The following RABL3 variants were observed in gnomAD, a reference collection of about 807,000 sequenced individuals.
RABL3 encodes rab-like protein 3.
Under a neutral mutation model 31.8 loss-of-function variants are expected in RABL3, and 31 were observed. That is an observed-to-expected ratio of 0.97 (90% confidence interval 0.73 to 1.31). RABL3 has a LOEUF of 1.31. RABL3 is among the 40% of genes most tolerant of loss of function. The pLI, the probability that RABL3 is intolerant of heterozygous loss-of-function variation, is 0.00. For synonymous variants in RABL3, 97 were observed against 99.9 expected (o/e 0.97, Z 0.18); for missense variants, 263 against 279.6 (o/e 0.94, Z 0.42).
At chr3:120,712,681 G>T (rs929886949) in intron 2 of RABL3, among the ~76,000 whole-genome samples, 1 of 152,180 alleles carries the variant, frequency 6.6e-6, no homozygotes, top group Non-Finnish European at 1.5e-5. Context: ...GACTCTGAGT[G>T]TAAGGGCACG....
At chr3:120,689,954 T>C in intron 7 of RABL3, 66 bp from the exon 8 acceptor site, 1 of 1,263,120 alleles carries the variant, frequency 7.9e-7, no homozygotes, top group Non-Finnish European at 1.1e-6. Flanking sequence ...AATAGTAATT[T>C]TTCCCTTCTT....
chr3:120,693,203 T>C (rs927968517), intron 6 of RABL3, among the ~76,000 whole-genome samples: 1 of 151,094 alleles, frequency 6.6e-6, no homozygotes, highest in African/African-American at 2.4e-5. Flanking sequence ...AGTTTTGCAG[T>C]GAAGCAAAAT....
chr3:120,699,959 C>T (rs1488800456), intron 4 of RABL3, among the ~76,000 whole-genome samples: 2 of 152,158 alleles, frequency 1.3e-5, no homozygotes, highest in African/African-American at 4.8e-5. Context: ...CCTTCTGTCT[C>T]ACATACAAAG....
intron 1 of RABL3, among the ~76,000 whole-genome samples, chr3:120,742,174 T>TA (rs1709052609): frequency 6.6e-6 from 1 of 150,686 alleles, no homozygotes; most frequent in Admixed American, 6.6e-5. Context: ...TTTTTTTTTT[T>TA]AATAAAAGAA....
At chr3:120,698,172 A>C (rs1181746527) in intron 5 of RABL3, among the ~76,000 whole-genome samples, 2 of 152,166 alleles carry the variant, frequency 1.3e-5, no homozygotes, top group Non-Finnish European at 2.9e-5. Context: ...TCAAAAAAAG[A>C]AGCCTATGAT....
intron 1 of RABL3, among the ~76,000 whole-genome samples, chr3:120,734,350 T>C (rs1708927537): frequency 6.6e-6 from 1 of 152,206 alleles, no homozygotes; most frequent in South Asian, 2.1e-4. Flanking sequence ...TGTTTGTCTG[T>C]TATTGGTGTA....
chr3:120,742,609 C>T, upstream of RABL3: 3 of 1,159,620 alleles, frequency 2.6e-6, no homozygotes, highest in Non-Finnish European at 3.9e-6. Flanking sequence ...CCACTCGGAG[C>T]GTGACTGTCT....
rs1194410022 is a variant in RABL3 at position 120,686,216 on chromosome 3, ACTC to A, written c.*3604_*3606del. 2.0e-5 allele frequency among the ~76,000 whole-genome samples: 3 copies of A among 151,980 alleles called. No individual in the cohort carries two copies. Among genetic ancestry groups the A allele is most frequent in the Non-Finnish European group, 4.4e-5 (3 of 68,012 alleles). On this transcript the variant is annotated 3_prime_UTR_variant, in exon 8 of 8. Coordinates refer to ENST00000273375, the MANE Select transcript of RABL3 (RefSeq NM_173825.5). ...CCTTCTCCTCCTTTCCCCAAAACAG[ACTC>A]CTCCTTTGAATTTTAACATATATTA...
At chr3:120,732,252 A>AT (rs1442031752) in intron 1 of RABL3, among the ~76,000 whole-genome samples, 1 of 152,114 alleles carries the variant, frequency 6.6e-6, no homozygotes, top group Non-Finnish European at 1.5e-5. Flanking sequence ...TCCCTCACCC[A>AT]TTGGCCTGGT....
intron 1 of RABL3, among the ~76,000 whole-genome samples, chr3:120,737,969 G>C (rs1161193174): frequency 6.6e-6 from 1 of 152,214 alleles, no homozygotes; most frequent in East Asian, 1.9e-4. Flanking sequence ...GGCTACTCGG[G>C]GGTCAGGGAC....
chr3:120,740,056 A>G (rs905458034), intron 1 of RABL3, among the ~76,000 whole-genome samples: 1 of 152,220 alleles, frequency 6.6e-6, no homozygotes, highest in African/African-American at 2.4e-5. Context: ...TGATCAAAAG[A>G]ATGCACTTGA....
chr3:120,698,883 C>T (rs369008369), intron 4 of RABL3, among the ~76,000 whole-genome samples: 2 of 152,294 alleles, frequency 1.3e-5, no homozygotes, highest in East Asian at 1.9e-4. Flanking sequence ...GTGGACTTAA[C>T]TTCCAATGTA....
chr3:120,702,779 G>A lies in RABL3; in HGVS notation c.383+3221C>T, dbSNP rs190851942. Among the ~76,000 whole-genome samples, 71 of 152,124 alleles carry A rather than the reference G, an allele frequency of 4.7e-4. 1 individual carries two copies. The East Asian group carries it at 0.012, about 26-fold the overall frequency. On this transcript the variant is annotated intron_variant, in intron 4 of 7. Coordinates refer to ENST00000273375, the MANE Select transcript of RABL3 (RefSeq NM_173825.5). ...TCACCATGTTAGCCAGGATGGTCTCGATCTCCTGACCTCATGATCCGCCCG... is the reference window on the plus strand; with the variant it reads ...TCACCATGTTAGCCAGGATGGTCTCAATCTCCTGACCTCATGATCCGCCCG...
chr3:120,689,713 C>A lies in RABL3; in HGVS notation c.*110G>T. The A allele has an allele frequency of 1.3e-6, 1 of 778,564 alleles. No individual in the cohort carries two copies. Among genetic ancestry groups the A allele is most frequent in the Non-Finnish European group, 2.2e-6 (1 of 452,764 alleles). 48.2% of individuals were successfully genotyped at this position (778,564 alleles called of 1,614,324 possible). On this transcript the variant is annotated 3_prime_UTR_variant, in exon 8 of 8. Coordinates refer to ENST00000273375, the MANE Select transcript of RABL3 (RefSeq NM_173825.5). Reference sequence around the variant, plus strand: ...ATTAAAGGGTAAGGCTGAAGGGTAGCATTTTAAGATGATTTTGTTAAAAGG... The same window carrying A: ...ATTAAAGGGTAAGGCTGAAGGGTAGAATTTTAAGATGATTTTGTTAAAAGG...
At chr3:120,708,296 A>G (rs1426238032) in intron 3 of RABL3, among the ~76,000 whole-genome samples, 2 of 152,038 alleles carry the variant, frequency 1.3e-5, no homozygotes, top group African/African-American at 2.4e-5. Context: ...AATTCTTTCA[A>G]TAATATTAAA....
chr3:120,726,946 T>C (rs980401116), intron 2 of RABL3, among the ~76,000 whole-genome samples: 3 of 151,734 alleles, frequency 2.0e-5, no homozygotes, highest in South Asian at 2.1e-4. Context: ...ACACAACCCA[T>C]GAGTCAAAGA....
chr3:120,701,455 C>A (rs1402805390), intron 4 of RABL3, among the ~76,000 whole-genome samples: 2 of 152,118 alleles, frequency 1.3e-5, no homozygotes, highest in Non-Finnish European at 2.9e-5. Flanking sequence ...GGGTATAGAA[C>A]TTTTACTGAA....
Position 120,685,480 on chromosome 3 carries a change from G to T in RABL3, c.*4343C>A, listed in dbSNP as rs536776533. 3.3e-5 allele frequency among the ~76,000 whole-genome samples: 5 copies of T among 152,010 alleles called. No homozygotes were observed. The highest frequency in any genetic ancestry group is 1.2e-4 in the African/African-American group (5 of 41,536). On this transcript the variant is annotated 3_prime_UTR_variant, in exon 8 of 8. Transcript: ENST00000273375. The stretch of plus-strand genomic sequence containing the variant: ...GCTGTGTGTAAGATGGCAAGGCACT[G>T]GTTAGAAATAAATATATTTGGATTA...
At chr3:120,705,268 T>C (rs1271500777) in intron 4 of RABL3, among the ~76,000 whole-genome samples, 1 of 152,116 alleles carries the variant, frequency 6.6e-6, no homozygotes, top group African/African-American at 2.4e-5. Context: ...GCAATTCTAA[T>C]AAAAATCCAA....
Sources: gnomAD v4.1 joint callset for allele counts (sites outside exome capture counted in the v4.1 genomes callset) on GRCh38, gnomAD v4.1.1 for gene constraint, MANE v1.5 for transcripts, NCBI Gene and HGNC (gene_info 2026-07-23, HGNC 2026-07-21) for gene names.